PACS2: variants seen among roughly 807,000 people sequenced by gnomAD.
The protein encoded by PACS2 is PACS1-like protein.
Under a neutral mutation model 113.0 loss-of-function variants are expected in PACS2, and 36 were observed. That is an observed-to-expected ratio of 0.32 (90% CI 0.24 to 0.42). The LOEUF (loss-of-function observed/expected upper bound fraction) is 0.42, where lower values mean the gene tolerates loss of function less well. Among genes scored for constraint, PACS2 ranks in the 10% least tolerant of loss-of-function variants. The probability of loss-of-function intolerance (pLI) is 1.00; values close to 1 mark genes in which losing one functional copy is unlikely to be tolerated. For synonymous variants in PACS2, 589 were observed against 536.1 expected (o/e 1.10, Z -1.36); for missense variants, 1,015 against 1,239.5 (o/e 0.82, Z 2.72).
intron 1 of PACS2, among the ~76,000 whole-genome samples, chr14:105,328,472 C>T (rs1460449761): frequency 6.6e-6 from 1 of 152,192 alleles, no homozygotes; most frequent in African/African-American, 2.4e-5. Flanking sequence ...GCCGCTGGGC[C>T]CAGCAGTGTG....
At position 105,315,181 on chromosome 14, in the gene PACS2, G is replaced by A. The variant is rs1044513257; in HGVS notation, c.119+144G>A. 5.9e-5 allele frequency: 20 copies of A among 339,086 alleles called. No individual in the cohort carries two copies. Among genetic ancestry groups the A allele is most frequent in the Non-Finnish European group, 8.2e-5 (19 of 232,378 alleles). The allele number at this position is 339,086 out of a possible 1,614,324, so 21.0% of individuals were successfully genotyped here. A position where few individuals can be genotyped will look rare whatever the true frequency, so the allele number is the denominator to read the frequency against. On this transcript the variant is annotated intron_variant, in intron 1 of 24. Coordinates refer to ENST00000447393, the MANE Select transcript of PACS2 (RefSeq NM_001100913.3). This position sits in a 1 kb window ranked among gnomAD's most constrained non-coding sequence, Gnocchi z 4.4. ...GCGCCCCCGCCCGCCGGTTCGACGC[G>A]TGCAGCCGCCGCCCCCCCGCAGCTC...
At chr14:105,363,369 G>A (rs782437359) in intron 4 of PACS2, among the ~76,000 whole-genome samples, 2 of 152,178 alleles carry the variant, frequency 1.3e-5, no homozygotes, top group Admixed American at 1.3e-4. Context: ...AGCCACCTTC[G>A]TCAAGATCTG....
intron 1 of PACS2, among the ~76,000 whole-genome samples, chr14:105,301,669 C>A (rs985525450): frequency 3.3e-5 from 5 of 152,250 alleles, no homozygotes; most frequent in Middle Eastern, 3.2e-3. Flanking sequence ...GTTTTCTGTT[C>A]CCCTAAAATT....
At chr14:105,362,218 A>T (rs1256705746) in intron 4 of PACS2, among the ~76,000 whole-genome samples, 2 of 151,378 alleles carry the variant, frequency 1.3e-5, no homozygotes, top group Non-Finnish European at 2.9e-5. Flanking sequence ...GGAGATCAAG[A>T]CCATCCTGGC....
At chr14:105,322,988 G>A (rs1306198081) in intron 1 of PACS2, among the ~76,000 whole-genome samples, 1 of 152,182 alleles carries the variant, frequency 6.6e-6, no homozygotes, top group East Asian at 1.9e-4. Context: ...CACAGGTCCA[G>A]GCAGGGCGTC....
chr14:105,309,040 G>A lies in PACS2; in HGVS notation c.-83+8061G>A, dbSNP rs138189694. On this transcript the variant is annotated intron_variant, in intron 1 of 23. Transcript: ENST00000430725. The surrounding 1 kb of genome is among the most constrained non-coding windows in gnomAD (Gnocchi z 4.0). ...ACAAAACCAGAAATCCATCCTGCACGAAGAGCACTGAGGTTGAGTGTTGGT... is the reference window on the plus strand; with the variant it reads ...ACAAAACCAGAAATCCATCCTGCACAAAGAGCACTGAGGTTGAGTGTTGGT... 1.9e-3 allele frequency among the ~76,000 whole-genome samples: 288 copies of A among 152,256 alleles called. 2 individuals are homozygous for A. The highest frequency in any genetic ancestry group is 2.9e-3 in the Non-Finnish European group (199 of 68,006).
chr14:105,355,736 C>T lies in PACS2; in HGVS notation c.423+559C>T, dbSNP rs960291733. ...GTACCTCAAAAGGAAAAGAAACAGC[C>T]AAGCAGCAGCCCACCTTGCTCCAGA... On this transcript the variant is annotated intron_variant, in intron 4 of 24. Transcript: ENST00000447393. This position sits in a 1 kb window ranked among gnomAD's most constrained non-coding sequence, Gnocchi z 4.1. 1.9e-4 allele frequency among the ~76,000 whole-genome samples: 29 copies of T among 152,190 alleles called. No homozygotes were observed. Among genetic ancestry groups the T allele is most frequent in the African/African-American group, 7.0e-4 (29 of 41,454 alleles).
chr14:105,384,812 C>T, intron 17 of PACS2, 67 bp from the exon 18 acceptor site: 1 of 1,072,738 alleles, frequency 9.3e-7, no homozygotes, highest in Non-Finnish European at 1.4e-6. Context: ...CGGGGAGGCC[C>T]AGCTTAGCCC....
At chr14:105,344,009 C>T (rs192610575) in intron 1 of PACS2, among the ~76,000 whole-genome samples, 311 of 148,986 alleles carry the variant, frequency 2.1e-3, no homozygotes, top group African/African-American at 7.4e-3. Context: ...GCAGATCACT[C>T]GAGGCCAGGA....
At chr14:105,383,334 C>T (rs782470827) in intron 15 of PACS2, 25 bp from the exon 16 acceptor site, 16 of 1,603,546 alleles carry the variant, frequency 1.0e-5, no homozygotes, top group Admixed American at 6.7e-5. Context: ...GTCCCCTCTC[C>T]GTCCCACCTG....
rs1005148210 is a variant in PACS2 at position 105,365,292 on chromosome 14, C to T, written c.424-1921C>T. Among the ~76,000 whole-genome samples the T allele has an allele frequency of 6.6e-6, 1 of 152,176 alleles. No homozygotes were observed. The highest frequency in any genetic ancestry group is 6.5e-5 in the Admixed American group (1 of 15,286). ...GGTGGCTGGCCCCTTGGCAGGAGGA[C>T]GCACGCCCCAAGGAGCACTGTCAGG... On this transcript the variant is annotated intron_variant, in intron 4 of 24. Coordinates refer to ENST00000447393, the MANE Select transcript of PACS2 (RefSeq NM_001100913.3). The surrounding 1 kb of genome is among the most constrained non-coding windows in gnomAD (Gnocchi z 5.1).
At chr14:105,347,817 C>T (rs1387202291) in intron 1 of PACS2, among the ~76,000 whole-genome samples, 5 of 152,114 alleles carry the variant, frequency 3.3e-5, no homozygotes, top group Non-Finnish European at 5.9e-5. Context: ...GGAGCCCTGG[C>T]GCGTGTACGG....
chr14:105,384,889 G>T lies in PACS2; in HGVS notation c.1902G>T (p.Thr634=). Residue 634 remains threonine (T), a synonymous_variant, in exon 18 of 25, where the codon ACG becomes ACT. Transcript: ENST00000447393. The stretch of plus-strand genomic sequence containing the variant: ...CTCCTCCCCCTGCAGTACAGGACAC[G>T]CCAGACATTGTGTCACGCATCACGC... ...KLEAQSAVQD[T]PDIVSRITQY... 1 of 1,583,734 alleles carries T rather than the reference G, an allele frequency of 6.3e-7. No homozygotes were observed. The highest frequency in any genetic ancestry group is 8.6e-7 in the Non-Finnish European group (1 of 1,163,892).
chr14:105,314,703 C>CGCGGGGCGCGG (rs931492235), upstream of PACS2: 5 of 140,480 alleles, frequency 3.6e-5, no homozygotes, highest in South Asian at 2.2e-4. Context: ...GCCGGGGGCG[C>CGCGGGGCGCGG]GCGGGGCGCG....
At position 105,348,106 on chromosome 14, in the gene PACS2, C is replaced by CT. The variant is rs2060011442; in HGVS notation, c.120-387_120-386insT. On this transcript the variant is annotated intron_variant, in intron 1 of 24. Coordinates refer to ENST00000447393, the MANE Select transcript of PACS2 (RefSeq NM_001100913.3). This position sits in a 1 kb window ranked among gnomAD's most constrained non-coding sequence, Gnocchi z 6.4. ...CTGGGCCTGGGGCTGGATAGGGCCGCGGGAGAGGGGAGGCCTGTGCTCTCA... is the reference window on the plus strand; with the variant it reads ...CTGGGCCTGGGGCTGGATAGGGCCGCTGGGAGAGGGGAGGCCTGTGCTCTCA... 6.6e-6 allele frequency among the ~76,000 whole-genome samples: 1 copy of CT among 152,054 alleles called. No individual in the cohort carries two copies. The highest frequency in any genetic ancestry group is 2.4e-5 in the African/African-American group (1 of 41,374).
intron 8 of PACS2, chr14:105,370,759 C>T (rs940949247): frequency 8.5e-5 from 13 of 152,110 alleles, no homozygotes; most frequent in African/African-American, 2.9e-4. Context: ...AGGGTTTCAC[C>T]CTGTTGGCCA....
At chr14:105,379,199 C>T (rs28451686) in intron 9 of PACS2, among the ~76,000 whole-genome samples, 1 of 152,024 alleles carries the variant, frequency 6.6e-6, no homozygotes, top group Admixed American at 6.5e-5. Context: ...CCGGAAAGGC[C>T]TGGATAGTCT....
At chr14:105,335,416 C>G (rs960962843) in intron 1 of PACS2, among the ~76,000 whole-genome samples, 113 of 146,706 alleles carry the variant, frequency 7.7e-4, no homozygotes, top group Middle Eastern at 3.5e-3. Flanking sequence ...TGGCGTGGCT[C>G]TGACGCTGTG....
rs192065352 is a variant in PACS2 at position 105,340,577 on chromosome 14, A to G, written c.120-7916A>G. On this transcript the variant is annotated intron_variant, in intron 1 of 24. Transcript: ENST00000447393. This position sits in a 1 kb window ranked among gnomAD's most constrained non-coding sequence, Gnocchi z 4.2. ...TTACAATAGGGTTCTTCCGGAGCTC[A>G]GGTGGGAATGCTCACTCCCTGGTGC... is the stretch of plus-strand genomic sequence containing the variant. 4.6e-5 allele frequency among the ~76,000 whole-genome samples: 7 copies of G among 152,352 alleles called. No individual in the cohort carries two copies. Among genetic ancestry groups the G allele is most frequent in the Admixed American group, 6.5e-5 (1 of 15,310 alleles).
Sources: allele counts gnomAD v4.1 joint callset (sites outside exome capture counted in the v4.1 genomes callset), GRCh38; gene constraint gnomAD v4.1.1; non-coding constraint Gnocchi (gnomAD v3.1); transcripts MANE v1.5; gene names NCBI Gene and HGNC (gene_info 2026-07-23, HGNC 2026-07-21).